ARL6IP1: variants seen among roughly 807,000 people sequenced by gnomAD.
The protein encoded by ARL6IP1 is ARL6 interacting reticulophagy regulator 1.
ARL6IP1 carries 16 observed loss-of-function variants against 30.1 expected under a neutral mutation model. The observed-to-expected ratio is 0.53, with a 90% CI of 0.36 to 0.81. The LOEUF (loss-of-function observed/expected upper bound fraction) is 0.81. Ranked by LOEUF, ARL6IP1 falls within the 30% of genes least tolerant of loss-of-function variation. The pLI, the probability that ARL6IP1 is intolerant of heterozygous loss-of-function variation, is 0.01. For missense variants in ARL6IP1, 173 were observed against 242.7 expected, an observed-to-expected ratio of 0.71 and a Z score of 1.91; for synonymous variants, 72 against 84.8, an observed-to-expected ratio of 0.85 and a Z score of 0.83.
In ARL6IP1 at chr16:18,793,431, C is replaced by CT. The variant is rs34143424; in HGVS notation, c.494-62dup. ...GCAATTAACCTGCTAAAGGTTATTA[C>CT]TTTTTTTTTTTTTTTTTGAGACAAA... On this transcript the variant is annotated intron_variant, in intron 5 of 5. Coordinates refer to ENST00000304414, the MANE Select transcript of ARL6IP1 (RefSeq NM_015161.3). 0.035 allele frequency: 21,484 copies of CT among 605,932 alleles called. 7 individuals are homozygous for CT. Among genetic ancestry groups the CT allele is most frequent in the East Asian group, 0.054 (1,449 of 26,740 alleles). 37.5% of individuals were successfully genotyped at this position (605,932 alleles called of 1,614,324 possible).
At position 18,798,785 on chromosome 16, in the gene ARL6IP1, A is replaced by C. The variant is rs754608476; in HGVS notation, c.86T>G (p.Val29Gly). The C allele has an allele frequency of 1.9e-6, 3 of 1,614,170 alleles. No individual in the cohort carries two copies. In the Admixed American group the frequency reaches 5.0e-5, roughly 27 times the overall value. ...LEEQLQGWGE[V>G]MLMADKVLRW... is the part of the protein sequence containing the mutation. The stretch of plus-strand genomic sequence containing the variant: ...GAGGACTTTATCAGCCATCAGCATC[A>C]CTTCTCCCCATCCTTGCAGCTGTTC... The change falls in exon 2 of 6, where the codon GTG (valine) becomes GGG (glycine). Residue 29 changes from valine (V) to glycine (G), a missense_variant. By Grantham distance (109) the Val-to-Gly change is moderately radical. Coordinates refer to ENST00000304414, the MANE Select transcript of ARL6IP1 (RefSeq NM_015161.3).
intron 1 of ARL6IP1, 143 bp downstream of exon 1, chr16:18,801,288 G>A: frequency 6.7e-7 from 1 of 1,486,754 alleles, no homozygotes; most frequent in South Asian, 1.3e-5. Flanking sequence ...CACCCAAGAA[G>A]CCCGAGGGCC....
rs9936151 is a variant in ARL6IP1 at position 18,797,227 on chromosome 16, A to T, written c.290+698T>A. On this transcript the variant is annotated intron_variant, in intron 3 of 5. Transcript: ENST00000304414. The stretch of plus-strand genomic sequence containing the variant: ...ACCCCGTCTCTACTAAAAATAAAAA[A>T]AAAAAAAATTAGCCAGGTGTGGTGG... Among the ~76,000 whole-genome samples, 380 of 145,336 alleles carry T rather than the reference A, an allele frequency of 2.6e-3. 8 individuals are homozygous for T. The East Asian group carries it at 0.043, about 16-fold the overall frequency.
rs1205370774 is a variant in ARL6IP1 at position 18,792,570 on chromosome 16, G to C, written c.*682C>G. On this transcript the variant is annotated 3_prime_UTR_variant, in exon 6 of 6. Transcript: ENST00000304414. ...AAGCCTTTAAGGATTTACTAACTTC[G>C]AGTCTAAGTGCAAGGGGACGAAAGC... 6.6e-6 allele frequency: 1 copy of C among 152,458 alleles called. No homozygotes were observed. Among genetic ancestry groups the C allele is most frequent in the Admixed American group, 6.5e-5 (1 of 15,284 alleles). The allele number at this position is 152,458 out of a possible 1,614,324, so 9.4% of individuals were successfully genotyped here. A position where few individuals can be genotyped will look rare whatever the true frequency, so the allele number is the denominator to read the frequency against.
chr16:18,794,577 T>A (rs1246313136), intron 5 of ARL6IP1, 22 bp downstream of exon 5: 2 of 1,593,956 alleles, frequency 1.3e-6, no homozygotes, highest in East Asian at 4.5e-5. Flanking sequence ...GATGTGCCTG[T>A]AGTTTTTCCT....
rs1011786849 is a variant in ARL6IP1, at chr16:18,794,656, C to A, written c.436G>T (p.Ala146Ser). ...MYFMTMIVSL[A>S]AVAWVGQQVH... Reference sequence around the variant, plus strand: ...TGTTGTCCCACCCAAGCAACCGCAGCAAGGGAAACGATCATGGTCATGAAG... The same window carrying A: ...TGTTGTCCCACCCAAGCAACCGCAGAAAGGGAAACGATCATGGTCATGAAG... Residue 146 changes from alanine (A) to serine (S), a missense_variant, in exon 5 of 6, where the codon GCT (alanine) becomes TCT (serine). Physicochemically the swap from Ala to Ser is moderately conservative, Grantham distance 99 (BLOSUM62 1). Coordinates refer to ENST00000304414, the MANE Select transcript of ARL6IP1 (RefSeq NM_015161.3). 3 of 1,613,152 alleles carry A rather than the reference C, an allele frequency of 1.9e-6. No homozygotes were observed. Among genetic ancestry groups the A allele is most frequent in the Admixed American group, 3.3e-5 (2 of 59,956 alleles).
At chr16:18,799,262 T>C (rs1260989127) in intron 1 of ARL6IP1, among the ~76,000 whole-genome samples, 2 of 152,192 alleles carry the variant, frequency 1.3e-5, no homozygotes, top group Admixed American at 1.3e-4. Context: ...TCCACTCACC[T>C]CGTCTTCCCA....
chr16:18,793,330 T>TC lies in ARL6IP1; in HGVS notation c.533dup (p.Ile179AsnfsTer31). 2 of 1,613,336 alleles carry TC rather than the reference T, an allele frequency of 1.2e-6. No individual in the cohort carries two copies. Among genetic ancestry groups the TC allele is most frequent in the Middle Eastern group, 3.5e-4 (2 of 5,796 alleles). ...CCATTCCAATGTACTTCAAAATGATTCCATGTTGGTTTAGTCCAGGAAGCA... is the reference window on the plus strand; with the variant it reads ...CCATTCCAATGTACTTCAAAATGATTCCCATGTTGGTTTAGTCCAGGAAGCA... On this transcript the variant is annotated frameshift_variant, in exon 6 of 6. Coordinates refer to ENST00000304414, the MANE Select transcript of ARL6IP1 (RefSeq NM_015161.3). LOFTEE classifies it high-confidence loss of function.
intron 4 of ARL6IP1, 67 bp downstream of exon 4, chr16:18,795,397 A>T (rs922641179): frequency 2.0e-5 from 23 of 1,122,260 alleles, no homozygotes; most frequent in Non-Finnish European, 1.6e-5. Context: ...ATAGCTATTA[A>T]GACAAAAAGG....
intron 1 of ARL6IP1, among the ~76,000 whole-genome samples, chr16:18,799,149 A>G (rs1160723052): frequency 6.6e-6 from 1 of 151,942 alleles, no homozygotes; most frequent in Non-Finnish European, 1.5e-5. Context: ...ACTCCTGAGT[A>G]GTTGGGACTA....
chr16:18,792,817 TCAGA>T lies in ARL6IP1; in HGVS notation c.*431_*434del, dbSNP rs2030103620. 2 of 152,910 alleles carry T rather than the reference TCAGA, an allele frequency of 1.3e-5. No homozygotes were observed. Among genetic ancestry groups the T allele is most frequent in the Admixed American group, 6.5e-5 (1 of 15,282 alleles). The allele number at this position is 152,910 out of a possible 1,614,324, so 9.5% of individuals were successfully genotyped here. A position where few individuals can be genotyped will look rare whatever the true frequency, so the allele number is the denominator to read the frequency against. On this transcript the variant is annotated 3_prime_UTR_variant, in exon 6 of 6. Coordinates refer to ENST00000304414, the MANE Select transcript of ARL6IP1 (RefSeq NM_015161.3). The stretch of plus-strand genomic sequence containing the variant: ...AAACTTGGTCTCTATATTCACGAAG[TCAGA>T]CAGTTTTTTAAGCAGACTGTGGAAG...
rs2030087863 is a variant in ARL6IP1, at chr16:18,792,164, T to C, written c.*1088A>G. 1 of 152,216 alleles carries C rather than the reference T, an allele frequency of 6.6e-6. No individual in the cohort carries two copies. Among genetic ancestry groups the C allele is most frequent in the African/African-American group, 2.4e-5 (1 of 41,464 alleles). The allele number at this position is 152,216 out of a possible 1,614,324, so 9.4% of individuals were successfully genotyped here. On this transcript the variant is annotated 3_prime_UTR_variant, in exon 6 of 6. Transcript: ENST00000304414. The stretch of plus-strand genomic sequence containing the variant: ...ATCTTTGTAGACCAGAGGCCAACTA[T>C]CATCACCTCAAGTCTGCTCTCACCA...
intron 4 of ARL6IP1, chr16:18,795,217 C>A (rs2030194697): frequency 2.8e-6 from 1 of 355,742 alleles, no homozygotes; most frequent in East Asian, 5.7e-5. Context: ...AAGTATATGT[C>A]TTTTACTATT....
At position 18,798,053 on chromosome 16, in the gene ARL6IP1, A is replaced by C; in HGVS notation, c.171-9T>G. 1 of 1,573,906 alleles carries C rather than the reference A, an allele frequency of 6.4e-7. No homozygotes were observed. The highest frequency in any genetic ancestry group is 8.6e-7 in the Non-Finnish European group (1 of 1,165,152). ...CTAGATAGTAGATAATCCTGTTAAA[A>C]AAATTAATAAAGGTTAGAAAAACAT... is the stretch of plus-strand genomic sequence containing the variant. On this transcript the variant is annotated splice_polypyrimidine_tract_variant and intron_variant, in intron 2 of 5. Coordinates refer to ENST00000304414, the MANE Select transcript of ARL6IP1 (RefSeq NM_015161.3).
chr16:18,793,431 C>A, intron 5 of ARL6IP1, 61 bp from the exon 6 acceptor site: 23 of 607,950 alleles, frequency 3.8e-5, no homozygotes, highest in Non-Finnish European at 5.4e-5. Flanking sequence ...AAGGTTATTA[C>A]TTTTTTTTTT....
chr16:18,799,337 C>G (rs2030338314), intron 1 of ARL6IP1, among the ~76,000 whole-genome samples: 1 of 152,088 alleles, frequency 6.6e-6, no homozygotes, highest in South Asian at 2.1e-4. Flanking sequence ...GGTCACTTTT[C>G]TAGTCCAAGC....
chr16:18,797,420 C>T (rs1296899030), intron 3 of ARL6IP1, among the ~76,000 whole-genome samples: 2 of 150,900 alleles, frequency 1.3e-5, no homozygotes, highest in Non-Finnish European at 3.0e-5. Context: ...TAAATAAAAT[C>T]AGCAACCCAT....
At chr16:18,797,777 C>T (rs923932476) in intron 3 of ARL6IP1, 148 bp downstream of exon 3, 1 of 983,470 alleles carries the variant, frequency 1.0e-6, no homozygotes, top group Non-Finnish European at 1.5e-6. Flanking sequence ...AAATCAGTTA[C>T]AATATTCTTC....
Position 18,793,059 on chromosome 16 carries a change from C to T in ARL6IP1, c.*193G>A, listed in dbSNP as rs989145021. The T allele has an allele frequency of 5.3e-5, 24 of 454,206 alleles. No homozygotes were observed. The highest frequency in any genetic ancestry group is 4.0e-4 in the Admixed American group (10 of 25,216). The allele number at this position is 454,206 out of a possible 1,614,324, so 28.1% of individuals were successfully genotyped here. On this transcript the variant is annotated 3_prime_UTR_variant, in exon 6 of 6. Transcript: ENST00000304414. The stretch of plus-strand genomic sequence containing the variant: ...TCCATGAAGCCAACTGCTAAGAACG[C>T]GCTCAACTATACGCGACATGAAGAC...
Sources: gnomAD v4.1 joint callset for allele counts (sites outside exome capture counted in the v4.1 genomes callset) on GRCh38, gnomAD v4.1.1 for gene constraint, MANE v1.5 for transcripts, NCBI Gene and HGNC (gene_info 2026-07-23, HGNC 2026-07-21) for gene names.